The following SEPTIN4 variants were observed in gnomAD, a reference collection of about 807,000 sequenced individuals.
SEPTIN4 encodes the protein septin-4.
A neutral mutation model predicts 107.1 loss-of-function variants in SEPTIN4; 52 were observed. The observed-to-expected ratio is 0.49, with a 90% confidence interval of 0.39 to 0.61. SEPTIN4 has a LOEUF of 0.61. Ranked by LOEUF, SEPTIN4 falls within the 20% of genes least tolerant of loss-of-function variation. SEPTIN4 has a pLI of 0.00. For missense variants in SEPTIN4, 1,048 were observed against 1,243.5 expected, an observed-to-expected ratio of 0.84 and a Z score of 2.36; for synonymous variants, 417 against 467.0, an observed-to-expected ratio of 0.89 and a Z score of 1.38.
In SEPTIN4 at chr17:58,538,070, G is replaced by C. The variant is rs2043777357; in HGVS notation, c.1614+2596C>G. Among the ~76,000 whole-genome samples the C allele has an allele frequency of 6.6e-6, 1 of 152,102 alleles. No individual in the cohort carries two copies. The highest frequency in any genetic ancestry group is 2.1e-4 in the South Asian group (1 of 4,822). On this transcript the variant is annotated intron_variant, in intron 3 of 13. Coordinates refer to ENST00000672673, the MANE Select transcript of SEPTIN4 (RefSeq NM_001368771.2). This position sits in a 1 kb window ranked among gnomAD's most constrained non-coding sequence, Gnocchi z 4.7. ...GGATTGCACCACTGCACTCCAACCT[G>C]GGCAACAGAACACTTTAAAAAAAAG... is the stretch of plus-strand genomic sequence containing the variant.
rs752587351 is a variant in SEPTIN4, at chr17:58,543,103, A to T, written c.1084T>A (p.Ser362Thr). ...GGCTCTGGAGTAACAAACATGGATGACTTGTGGGAGCCCTCAGACACTGAT... is the reference window on the plus strand; with the variant it reads ...GGCTCTGGAGTAACAAACATGGATGTCTTGTGGGAGCCCTCAGACACTGAT... ...VPSVSEGSHK[S>T]SMFVTPEPIY... is the part of the protein sequence containing the mutation. The change falls in exon 1 of 14, where the codon TCA becomes ACA. Residue 362 changes from serine (S) to threonine (T), a missense_variant. By Grantham distance (58) the Ser-to-Thr change is moderately conservative (BLOSUM62 1). Transcript: ENST00000672673. The T allele has an allele frequency of 3.1e-6, 5 of 1,612,442 alleles. No individual in the cohort carries two copies. The South Asian group carries it at 4.4e-5, about 14-fold the overall frequency.
chr17:58,525,912 AT>A, intron 5 of SEPTIN4, 131 bp from the exon 6 acceptor site: 1 of 889,298 alleles, frequency 1.1e-6, no homozygotes, highest in Non-Finnish European at 1.7e-6. Flanking sequence ...AAACTATAGC[AT>A]TTTAGAGCTG....
In SEPTIN4 at chr17:58,543,792, C is replaced by T. The variant is rs371029099; in HGVS notation, c.395G>A (p.Arg132Gln). Reference protein sequence around the residue: ...KVSPPREEAARRGSESKSGRE... With the variant: ...KVSPPREEAAQRGSESKSGRE... ...CCCTGACTTGCTCTCACTGCCTCTT[C>T]GTGCTGCTTCCTCTCTGGGTGGACT... is the stretch of plus-strand genomic sequence containing the variant. Residue 132 changes from arginine (R) to glutamine (Q), a missense_variant, in exon 1 of 14, where the codon CGA (arginine) becomes CAA (glutamine). Coordinates refer to ENST00000672673, the MANE Select transcript of SEPTIN4 (RefSeq NM_001368771.2). 81 of 1,614,064 alleles carry T rather than the reference C, an allele frequency of 5.0e-5. No individual in the cohort carries two copies. The highest frequency in any genetic ancestry group is 6.6e-5 in the Non-Finnish European group (78 of 1,180,048).
intron 3 of SEPTIN4, chr17:58,532,103 G>A: frequency 9.4e-7 from 1 of 1,065,696 alleles, no homozygotes; most frequent in Non-Finnish European, 1.1e-6. Flanking sequence ...CCCGGCGGCG[G>A]GGGCGGAGCG....
At position 58,521,248 on chromosome 17, in the gene SEPTIN4, C is replaced by T. The variant is rs199887324; in HGVS notation, c.2668+6G>A. 1 of 1,614,208 alleles carries T rather than the reference C, an allele frequency of 6.2e-7. No homozygotes were observed. Among genetic ancestry groups the T allele is most frequent in the Non-Finnish European group, 8.5e-7 (1 of 1,180,020 alleles). ...AGATACCCTGGTCACAGGCTCAGTG[C>T]TTTACCTTCCACGATGCCCCAGGGG... On this transcript the variant is annotated splice_donor_region_variant and intron_variant, in intron 11 of 13. Coordinates refer to ENST00000672673, the MANE Select transcript of SEPTIN4 (RefSeq NM_001368771.2). The surrounding 1 kb of genome is among the most constrained non-coding windows in gnomAD (Gnocchi z 6.4).
intron 3 of SEPTIN4, chr17:58,532,003 C>T: frequency 8.8e-7 from 1 of 1,138,660 alleles, no homozygotes. Flanking sequence ...CTGGACAGCG[C>T]CCGAGCGACC....
Position 58,531,838 on chromosome 17 carries a change from G to A in SEPTIN4, c.1615-4860C>T, listed in dbSNP as rs534741165. The A allele has an allele frequency of 2.4e-5, 23 of 940,080 alleles. No individual in the cohort carries two copies. The African/African-American group carries it at 3.7e-4, about 15-fold the overall frequency. 58.2% of individuals were successfully genotyped at this position (940,080 alleles called of 1,614,324 possible). On this transcript the variant is annotated intron_variant, in intron 3 of 13. Transcript: ENST00000672673. ...CAGCCTGTGCCCGGGGCCGGCGACG[G>A]CGCCTCCCACCCTGCACAGCCGCGG... is the stretch of plus-strand genomic sequence containing the variant.
chr17:58,543,028 G>A lies in SEPTIN4; in HGVS notation c.1159C>T (p.Gln387Ter). 1 of 1,611,438 alleles carries A rather than the reference G, an allele frequency of 6.2e-7. No homozygotes were observed. Among genetic ancestry groups the A allele is most frequent in the Non-Finnish European group, 8.5e-7 (1 of 1,178,958 alleles). ...QKPPEITYMS[Q>*]GPTPRYPELS... Reference sequence around the variant, plus strand: ...TCTGGATACCTGGGTGTAGGTCCTTGGGACATGTAAGTAATTTCTGGGGGT... The same window carrying A: ...TCTGGATACCTGGGTGTAGGTCCTTAGGACATGTAAGTAATTTCTGGGGGT... Residue 387 changes from glutamine to a stop codon, truncating the protein, a stop_gained, in exon 1 of 14, where the codon CAA (glutamine) becomes TAA (stop). Transcript: ENST00000672673. LOFTEE classifies it high-confidence loss of function.
intron 12 of SEPTIN4, 32 bp downstream of exon 12, chr17:58,520,966 C>T (rs747479350): frequency 1.2e-6 from 2 of 1,612,992 alleles, no homozygotes. Context: ...GGGATCTCCC[C>T]CTGCCAGCTT....
chr17:58,526,194 C>G, intron 5 of SEPTIN4, 26 bp downstream of exon 5: 2 of 1,558,728 alleles, frequency 1.3e-6, no homozygotes, highest in Non-Finnish European at 1.7e-6. Flanking sequence ...CACACCCTGC[C>G]CAACCCAGCC....
Position 58,521,001 on chromosome 17 carries a change from C to A in SEPTIN4, c.2828G>T (p.Arg943Leu). Residue 943 changes from arginine (R) to leucine (L), a missense_variant, in exon 12 of 14, where the codon CGC (arginine) becomes CTC (leucine). Physicochemically the swap from Arg to Leu is moderately radical, Grantham distance 102 (BLOSUM62 -2). Coordinates refer to ENST00000672673, the MANE Select transcript of SEPTIN4 (RefSeq NM_001368771.2). This position sits in a 1 kb window ranked among gnomAD's most constrained non-coding sequence, Gnocchi z 6.4. The part of the protein sequence containing the change: ...MTRLVVKERN[R>L]NKLTRESGTD... Reference sequence around the variant, plus strand: ...TTGTCCTGGCTTCTGGTCATACTTGCGATTCCGTTCCTTCACCACCAGGCG... The same window carrying A: ...TTGTCCTGGCTTCTGGTCATACTTGAGATTCCGTTCCTTCACCACCAGGCG... 6.2e-7 allele frequency: 1 copy of A among 1,613,972 alleles called. No homozygotes were observed. The highest frequency in any genetic ancestry group is 8.5e-7 in the Non-Finnish European group (1 of 1,179,976).
Position 58,540,559 on chromosome 17 carries a change from C to G in SEPTIN4, c.1614+107G>C, listed in dbSNP as rs927260848. 1.1e-4 allele frequency: 96 copies of G among 855,160 alleles called. 1 individual carries two copies. Among genetic ancestry groups the G allele is most frequent in the South Asian group, 2.2e-4 (6 of 27,344 alleles). 53.0% of individuals were successfully genotyped at this position (855,160 alleles called of 1,614,324 possible). The stretch of plus-strand genomic sequence containing the variant: ...GAACAATCTGCCCAACCATAGGGAG[C>G]AGCTCTGTCTCCCTCCATGCCCACT... On this transcript the variant is annotated intron_variant, in intron 3 of 13. Coordinates refer to ENST00000672673, the MANE Select transcript of SEPTIN4 (RefSeq NM_001368771.2).
intron 7 of SEPTIN4, among the ~76,000 whole-genome samples, chr17:58,522,669 AAAGAAG>A (rs1215464459): frequency 1.3e-5 from 2 of 151,488 alleles, no homozygotes; most frequent in South Asian, 4.2e-4. Context: ...AAAAAAAAAA[AAAGAAG>A]AAGAAGAAGA....
intron 3 of SEPTIN4, among the ~76,000 whole-genome samples, chr17:58,536,662 G>A (rs528522661): frequency 6.6e-6 from 1 of 152,326 alleles, no homozygotes; most frequent in South Asian, 2.1e-4. Context: ...GCTTCCCTCA[G>A]GAACTGCCTC....
At chr17:58,524,442 G>A (rs993638873) in intron 7 of SEPTIN4, 5 of 152,030 alleles carry the variant, frequency 3.3e-5, no homozygotes, top group East Asian at 1.9e-4. Context: ...GATTGTGTGC[G>A]GCACCTAAAA....
intron 2 of SEPTIN4, among the ~76,000 whole-genome samples, chr17:58,541,298 C>CT (rs2043868909): frequency 6.6e-6 from 1 of 152,184 alleles, no homozygotes; most frequent in African/African-American, 2.4e-5. Flanking sequence ...AGATTTACTC[C>CT]TTGAGGTCTT....
At chr17:58,529,010 C>T (rs2043217870) in intron 3 of SEPTIN4, 1 of 1,393,544 alleles carries the variant, frequency 7.2e-7, no homozygotes, top group Non-Finnish European at 1.0e-6. Context: ...TCCCCACTCC[C>T]AGCTCTGCCA....
intron 7 of SEPTIN4, among the ~76,000 whole-genome samples, chr17:58,523,865 G>A (rs2042545046): frequency 1.3e-5 from 2 of 152,040 alleles, no homozygotes; most frequent in African/African-American, 2.4e-5. Context: ...ATCATGTTGG[G>A]TGATGTTCAA....
At chr17:58,539,601 T>C (rs2043822376) in intron 3 of SEPTIN4, among the ~76,000 whole-genome samples, 1 of 152,230 alleles carries the variant, frequency 6.6e-6, no homozygotes, top group South Asian at 2.1e-4. Context: ...AAATGTTTCC[T>C]GTCTGTGTTT....
Sources: allele counts gnomAD v4.1 joint callset (sites outside exome capture counted in the v4.1 genomes callset), GRCh38; gene constraint gnomAD v4.1.1; non-coding constraint Gnocchi (gnomAD v3.1); transcripts MANE v1.5; gene names NCBI Gene and HGNC (gene_info 2026-07-23, HGNC 2026-07-21).